The following ANKAR variants were observed in gnomAD, a reference collection of about 807,000 sequenced individuals.
ANKAR encodes the protein ankyrin and armadillo repeat containing.
A neutral mutation model predicts 146.2 loss-of-function variants in ANKAR; 136 were observed. The ratio of observed to expected loss-of-function variants is 0.93; its 90% CI spans 0.81 to 1.07. The LOEUF (loss-of-function observed/expected upper bound fraction) is 1.07. Among genes scored for constraint, ANKAR ranks in the 50% least tolerant of loss-of-function variants. ANKAR has a pLI of 0.00. For missense variants in ANKAR, 1,567 were observed against 1,679.9 expected, an observed-to-expected ratio of 0.93 and a Z score of 1.18; for synonymous variants, 500 against 575.8, an observed-to-expected ratio of 0.87 and a Z score of 1.88.
At chr2:189,728,152 ATTG>A (rs1175038820) in intron 13 of ANKAR, 55 bp downstream of exon 13, 6 of 1,533,348 alleles carry the variant, frequency 3.9e-6, no homozygotes, top group Non-Finnish European at 5.3e-6. Context: ...TCTATTTTGA[ATTG>A]TTAAGTGAAT....
Position 189,689,494 on chromosome 2 carries a change from C to A in ANKAR, c.602-33C>A, listed in dbSNP as rs371342847. 34 of 1,493,020 alleles carry A rather than the reference C, an allele frequency of 2.3e-5. No homozygotes were observed. In the South Asian group the frequency reaches 2.4e-4, roughly 11 times the overall value. The allele number at this position is 1,493,020 out of a possible 1,614,324, so 92.5% of individuals were successfully genotyped here. A position where few individuals can be genotyped will look rare whatever the true frequency, so the allele number is the denominator to read the frequency against. Reference sequence around the variant, plus strand: ...ATCCAGAAGCCAAATATGAAATTTTCACTATCTAAAATTTTCCTTTTTTAT... The same window carrying A: ...ATCCAGAAGCCAAATATGAAATTTTAACTATCTAAAATTTTCCTTTTTTAT... On this transcript the variant is annotated intron_variant, in intron 2 of 22. Coordinates refer to ENST00000684021, the MANE Select transcript of ANKAR (RefSeq NM_001378068.1).
downstream of ANKAR, among the ~76,000 whole-genome samples, chr2:189,762,180 T>C (rs184705516): frequency 7.4e-4 from 112 of 152,318 alleles, 1 homozygote; most frequent in African/African-American, 2.5e-3. Flanking sequence ...TATCCTTAAT[T>C]GCAATCTTTG....
At chr2:189,675,757 T>C (rs966897405) in intron 1 of ANKAR, among the ~76,000 whole-genome samples, 6 of 152,178 alleles carry the variant, frequency 3.9e-5, no homozygotes. Flanking sequence ...CATGTTAAAA[T>C]AGATTCCCCA....
intron 10 of ANKAR, among the ~76,000 whole-genome samples, chr2:189,714,969 A>AAAAG (rs2040238388): frequency 1.1e-5 from 1 of 87,026 alleles, no homozygotes; most frequent in East Asian, 2.9e-4. Flanking sequence ...AAAAAAAAAG[A>AAAAG]GAGAGAGAGA....
intron 7 of ANKAR, among the ~76,000 whole-genome samples, chr2:189,697,902 GT>G (rs10715301): frequency 0.99 from 150,338 of 152,192 alleles, 74,290 homozygotes; most frequent in East Asian, 1. Flanking sequence ...GCGTTGTCAG[GT>G]TGCATATGAC....
intron 12 of ANKAR, 113 bp from the exon 13 acceptor site, chr2:189,727,743 T>G (rs2042033239): frequency 7.5e-7 from 1 of 1,325,930 alleles, no homozygotes; most frequent in African/African-American, 1.5e-5. Context: ...CTTTATTTTC[T>G]CTAAGCTTTT....
intron 17 of ANKAR, 68 bp downstream of exon 17, chr2:189,733,297 A>G: frequency 2.3e-6 from 3 of 1,328,714 alleles, no homozygotes; most frequent in Non-Finnish European, 3.1e-6. Context: ...TCTTCAAATT[A>G]TCAAGTCTTC....
In ANKAR at chr2:189,681,130, G is replaced by T. The variant is rs76961266; in HGVS notation, c.601+4039G>T. Reference sequence around the variant, plus strand: ...AATGGGCATATGCCAAACTGGTAAAGAAACAACAAGCTCTTTTTAGATCCA... The same window carrying T: ...AATGGGCATATGCCAAACTGGTAAATAAACAACAAGCTCTTTTTAGATCCA... On this transcript the variant is annotated intron_variant, in intron 2 of 22. Coordinates refer to ENST00000684021, the MANE Select transcript of ANKAR (RefSeq NM_001378068.1). 4.9e-3 allele frequency among the ~76,000 whole-genome samples: 746 copies of T among 152,324 alleles called. 4 individuals carry two copies. Among genetic ancestry groups the T allele is most frequent in the African/African-American group, 0.017 (689 of 41,576 alleles).
At chr2:189,695,266 C>T in intron 6 of ANKAR, 105 bp downstream of exon 6, 1 of 959,076 alleles carries the variant, frequency 1.0e-6, no homozygotes, top group Non-Finnish European at 1.4e-6. Flanking sequence ...AGGTTAAAGT[C>T]TTCAACATGA....
At chr2:189,699,594 T>A (rs1240716319) in intron 7 of ANKAR, among the ~76,000 whole-genome samples, 1 of 152,202 alleles carries the variant, frequency 6.6e-6, no homozygotes, top group Non-Finnish European at 1.5e-5. Context: ...TAAATGTCAT[T>A]CATTTCACTT....
At chr2:189,760,275 A>G (rs960726368) in intron 18 of ANKAR, among the ~76,000 whole-genome samples, 5 of 151,906 alleles carry the variant, frequency 3.3e-5, no homozygotes, top group Non-Finnish European at 5.9e-5. Flanking sequence ...TGTTGGGTAC[A>G]CCTCCCAGAC....
In ANKAR at chr2:189,744,754, T is replaced by G. The variant is rs1340229831; in HGVS notation, c.4023T>G (p.Asn1341Lys). The stretch of plus-strand genomic sequence containing the variant: ...GTTTTCCTTTTAGTCTGGAGAAGAA[T>G]GGAGGACCATCCATAATTCCTATCT... ...VGLPSLSLEK[N>K]GGPSIIPIFK... The change falls in exon 22 of 23, where the codon AAT becomes AAG. Residue 1341 changes from asparagine to lysine, a missense_variant. Coordinates refer to ENST00000684021, the MANE Select transcript of ANKAR (RefSeq NM_001378068.1). The G allele has an allele frequency of 6.3e-7, 1 of 1,596,480 alleles. No homozygotes were observed. The highest frequency in any genetic ancestry group is 2.2e-5 in the East Asian group (1 of 44,702).
At chr2:189,732,642 C>G (rs1407218483) in intron 16 of ANKAR, among the ~76,000 whole-genome samples, 3 of 97,144 alleles carry the variant, frequency 3.1e-5, no homozygotes, top group African/African-American at 8.2e-5. Flanking sequence ...GCCTGGGCAA[C>G]AGAGCAAGAC....
intron 18 of ANKAR, chr2:189,753,088 T>C: frequency 9.6e-7 from 1 of 1,036,520 alleles, no homozygotes; most frequent in Non-Finnish European, 1.4e-6. Context: ...ACTATCCCAT[T>C]TTGAGATGGG....
At position 189,692,866 on chromosome 2, in the gene ANKAR, C is replaced by T. The variant is rs1574418204; in HGVS notation, c.1204-208C>T. On this transcript the variant is annotated intron_variant, in intron 4 of 22. Transcript: ENST00000684021. ...CTACATTTCAATTGTTATTGCTTTT[C>T]TACCTTCTGTATACTATGTGTCTTT... 4 of 325,460 alleles carry T rather than the reference C, an allele frequency of 1.2e-5. No individual in the cohort carries two copies. In the East Asian group the frequency reaches 2.3e-4, roughly 19 times the overall value. The allele number at this position is 325,460 out of a possible 1,614,324, so 20.2% of individuals were successfully genotyped here.
In ANKAR at chr2:189,695,000, G is replaced by T; in HGVS notation, c.1327G>T (p.Glu443Ter). The change falls in exon 6 of 23, where the codon GAA becomes TAA. Residue 443 changes from glutamate (E) to a stop codon, truncating the protein, a stop_gained. Transcript: ENST00000684021. LOFTEE classifies it high-confidence loss of function. ...HGKSYYVIYF[E>*]LETFYQQLYK... ...TTATAGCTACTATGTGATCTATTTT[G>T]AACTAGAAACTTTCTATCAGCAACT... The T allele has an allele frequency of 6.5e-7, 1 of 1,539,178 alleles. No individual in the cohort carries two copies. The highest frequency in any genetic ancestry group is 1.3e-5 in the South Asian group (1 of 74,256).
intron 3 of ANKAR, among the ~76,000 whole-genome samples, chr2:189,690,920 G>A (rs1369055160): frequency 6.6e-6 from 1 of 152,130 alleles, no homozygotes; most frequent in African/African-American, 2.4e-5. Context: ...AGATCAGGGT[G>A]TATAGTGTAT....
intron 2 of ANKAR, among the ~76,000 whole-genome samples, chr2:189,680,668 C>T (rs954867370): frequency 2.6e-5 from 4 of 151,884 alleles, no homozygotes; most frequent in Non-Finnish European, 4.4e-5. Flanking sequence ...TTTAAATTTC[C>T]ATCTTGATTT....
At chr2:189,711,211 TC>T in intron 10 of ANKAR, 58 bp downstream of exon 10, 1 of 1,250,110 alleles carries the variant, frequency 8.0e-7, no homozygotes. Flanking sequence ...TATATTTTAT[TC>T]ATCAGTCATT....
Sources: allele counts gnomAD v4.1 joint callset (sites outside exome capture counted in the v4.1 genomes callset), GRCh38; gene constraint gnomAD v4.1.1; transcripts MANE v1.5; gene names NCBI Gene and HGNC (gene_info 2026-07-23, HGNC 2026-07-21).